Variants in SHANK2 observed in about 807,000 individuals in gnomAD.
The protein encoded by SHANK2 is SH3 and multiple ankyrin repeat domains 2.
A neutral mutation model predicts 133.7 loss-of-function variants in SHANK2; 43 were observed. The observed-to-expected ratio is 0.32, with a 90% CI of 0.25 to 0.41. The LOEUF (loss-of-function observed/expected upper bound fraction) is 0.41. Ranked by LOEUF, SHANK2 falls within the 10% of genes least tolerant of loss-of-function variation. The pLI, the probability that SHANK2 is intolerant of heterozygous loss-of-function variation, is 1.00. For synonymous variants in SHANK2, 1,017 were observed against 952.8 expected, an observed-to-expected ratio of 1.07 and a Z score of -1.24; for missense variants, 1,994 against 2,235.8, an observed-to-expected ratio of 0.89 and a Z score of 2.18.
intron 9 of SHANK2, 129 bp from the exon 10 acceptor site, chr11:71,056,687 G>A (rs1453922146): frequency 6.6e-6 from 1 of 152,220 alleles, no homozygotes; most frequent in African/African-American, 2.4e-5. Context: ...GGGAAAGCAT[G>A]TTGCTTTCAT....
At position 71,246,071 on chromosome 11, in the gene SHANK2, TC is replaced by T. The variant is rs200889294; in HGVS notation, c.-113+6353del. On this transcript the variant is annotated intron_variant, in intron 1 of 25. Transcript: ENST00000601538. ...AGGCCACAGAAGCATCCCCCTCCAC[TC>T]CCCAGGAAGCCTGCATTCTCCCCAG... Among the ~76,000 whole-genome samples the T allele has an allele frequency of 9.6e-3, 1,456 of 151,820 alleles. 71 individuals are homozygous for T. The highest frequency in any genetic ancestry group is 5.1e-3 in the Non-Finnish European group (346 of 67,948).
intron 11 of SHANK2, among the ~76,000 whole-genome samples, chr11:70,838,647 A>G (rs151307222): frequency 2.0e-5 from 3 of 151,970 alleles, no homozygotes; most frequent in Admixed American, 6.6e-5. Context: ...TCTATACTCT[A>G]TCTCTCCTGT....
At chr11:70,713,140 G>A (rs1477643589) in intron 14 of SHANK2, among the ~76,000 whole-genome samples, 1 of 152,240 alleles carries the variant, frequency 6.6e-6, no homozygotes, top group Non-Finnish European at 1.5e-5. Flanking sequence ...GCACGTGCCA[G>A]TGGGTCCTCA....
chr11:70,698,710 A>G lies in SHANK2; in HGVS notation c.1831T>C (p.Tyr611His). 2 of 718,656 alleles carry G rather than the reference A, an allele frequency of 2.8e-6. No homozygotes were observed. Among genetic ancestry groups the G allele is most frequent in the Non-Finnish European group, 5.2e-6 (2 of 385,102 alleles). The allele number at this position is 718,656 out of a possible 1,614,324, so 44.5% of individuals were successfully genotyped here. The change falls in exon 15 of 26, where the codon TAT becomes CAT. Residue 611 changes from tyrosine (Y) to histidine (H), a missense_variant. Transcript: ENST00000601538. The stretch of plus-strand genomic sequence containing the variant: ...TACCTGGAAGTGTCGAAGCTGTCAT[A>G]GGAGCCCACGGTGTAGTGCCTGAAA... The part of the protein sequence containing the change: ...KLFRHYTVGS[Y>H]DSFDTSSDCI...
intron 14 of SHANK2, among the ~76,000 whole-genome samples, chr11:70,788,591 G>A (rs113678043): frequency 5.3e-5 from 8 of 152,090 alleles, no homozygotes; most frequent in South Asian, 2.1e-4. Flanking sequence ...AGGGTTCAGC[G>A]CTGTCCCCCA....
chr11:70,803,955 C>T (rs1448181622), intron 13 of SHANK2, among the ~76,000 whole-genome samples: 2 of 152,178 alleles, frequency 1.3e-5, no homozygotes, highest in African/African-American at 2.4e-5. Context: ...ACGTCAACCC[C>T]TTCCCAAATG....
chr11:71,206,412 C>T (rs112471010), intron 2 of SHANK2, among the ~76,000 whole-genome samples: 1 of 152,154 alleles, frequency 6.6e-6, no homozygotes, highest in African/African-American at 2.4e-5. Context: ...CACTGGAATG[C>T]GGATCTGCAA....
intron 9 of SHANK2, among the ~76,000 whole-genome samples, chr11:71,061,966 TCTTTC>T: frequency 2.1e-5 from 3 of 140,878 alleles, no homozygotes; most frequent in African/African-American, 7.8e-5. Flanking sequence ...AAAAAGTCTT[TCTTTC>T]TTTTTTTTTT....
chr11:71,189,693 T>C (rs1953750214), intron 2 of SHANK2, among the ~76,000 whole-genome samples: 1 of 152,230 alleles, frequency 6.6e-6, no homozygotes, highest in African/African-American at 2.4e-5. Flanking sequence ...TGCCTGGCCA[T>C]GGTCCCAACT....
intron 17 of SHANK2, among the ~76,000 whole-genome samples, chr11:70,571,790 C>T (rs905128306): frequency 1.5e-4 from 23 of 151,736 alleles, no homozygotes; most frequent in African/African-American, 5.6e-4. Context: ...GGGAGGGGTG[C>T]GGCATCAGGG....
chr11:70,611,842 C>A lies in SHANK2; in HGVS notation c.2061+47986G>T, dbSNP rs1435147380. On this transcript the variant is annotated intron_variant, in intron 17 of 25. Transcript: ENST00000601538. ...GTTTAGGAAACTGCCTTCGTTTCTACTGAAAATGGAGAAAAAAGGCAATTT... is the reference window on the plus strand; with the variant it reads ...GTTTAGGAAACTGCCTTCGTTTCTAATGAAAATGGAGAAAAAAGGCAATTT... 2.0e-5 allele frequency among the ~76,000 whole-genome samples: 3 copies of A among 152,074 alleles called. No homozygotes were observed. The East Asian group carries it at 5.8e-4, about 30-fold the overall frequency.
intron 9 of SHANK2, among the ~76,000 whole-genome samples, chr11:71,065,731 A>G (rs1476731950): frequency 9.3e-5 from 10 of 107,130 alleles, no homozygotes; most frequent in African/African-American, 1.1e-4. Flanking sequence ...TGGGGGTGGT[A>G]CAGAACTCTC....
intron 22 of SHANK2, 27 bp downstream of exon 22, chr11:70,492,308 T>TCG: frequency 6.2e-7 from 1 of 1,606,628 alleles, no homozygotes; most frequent in African/African-American, 1.3e-5. Context: ...GCCCCCGCCC[T>TCG]CGTGGTCCCA....
intron 11 of SHANK2, among the ~76,000 whole-genome samples, chr11:70,895,857 T>C (rs1374522028): frequency 6.6e-6 from 1 of 152,040 alleles, no homozygotes; most frequent in African/African-American, 2.4e-5. Flanking sequence ...AGATGTCATA[T>C]TTTTAGAGCA....
Position 70,486,682 on chromosome 11 carries a change from G to A in SHANK2, c.3611C>T (p.Pro1204Leu). The change falls in exon 25 of 26, where the codon CCA becomes CTA. Residue 1204 changes from proline to leucine, a missense_variant. Pro to Leu is a moderately conservative substitution (Grantham distance 98). Transcript: ENST00000601538. The surrounding 1 kb of genome is among the most constrained non-coding windows in gnomAD (Gnocchi z 8.0). ...GTAGPGNYVH[P>L]LTGRLLDPSS... ...GGGATCAAGCAGCCGCCCTGTGAGT[G>A]GGTGGACATAATTCCCGGGGCCGGC... 6.2e-7 allele frequency: 1 copy of A among 1,611,560 alleles called. No individual in the cohort carries two copies. Among genetic ancestry groups the A allele is most frequent in the Non-Finnish European group, 8.5e-7 (1 of 1,180,004 alleles).
intron 11 of SHANK2, among the ~76,000 whole-genome samples, chr11:70,849,321 G>C (rs574473674): frequency 6.6e-6 from 1 of 152,234 alleles, no homozygotes; most frequent in African/African-American, 2.4e-5. Flanking sequence ...GCCAATGGCT[G>C]GTCTAAAAAG....
chr11:70,539,779 G>T (rs561881515), intron 17 of SHANK2, among the ~76,000 whole-genome samples: 1 of 152,146 alleles, frequency 6.6e-6, no homozygotes, highest in Admixed American at 6.5e-5. Flanking sequence ...CTCCCGGGGG[G>T]GCCGTAGCAG....
chr11:70,885,114 C>G (rs11237819), intron 11 of SHANK2, among the ~76,000 whole-genome samples: 6,589 of 152,174 alleles, frequency 0.043, 239 homozygotes, highest in Non-Finnish European at 0.061. Flanking sequence ...AACACTTTTT[C>G]TAAGAGAACT....
intron 1 of SHANK2, among the ~76,000 whole-genome samples, chr11:71,234,859 C>T (rs1954805329): frequency 6.6e-6 from 1 of 152,098 alleles, no homozygotes; most frequent in African/African-American, 2.4e-5. Flanking sequence ...ACACCCTCCC[C>T]CTCTAATATT....
Sources: allele counts gnomAD v4.1 joint callset (sites outside exome capture counted in the v4.1 genomes callset), GRCh38; gene constraint gnomAD v4.1.1; non-coding constraint Gnocchi (gnomAD v3.1); transcripts MANE v1.5; gene names NCBI Gene and HGNC (gene_info 2026-07-23, HGNC 2026-07-21).